Variants in ISL1 observed in about 807,000 individuals in gnomAD.
ISL1 encodes insulin gene enhancer protein ISL-1.
ISL1 carries 4 observed loss-of-function variants against 35.3 expected under a neutral mutation model. That is an observed-to-expected ratio of 0.11 (90% CI 0.06 to 0.26). The LOEUF (loss-of-function observed/expected upper bound fraction) is 0.26. Ranked by LOEUF, ISL1 falls within the 10% of genes least tolerant of loss-of-function variation. ISL1 has a pLI of 1.00. For missense variants in ISL1, 340 were observed against 472.8 expected, an observed-to-expected ratio of 0.72 and a Z score of 2.60; for synonymous variants, 186 against 172.3, an observed-to-expected ratio of 1.08 and a Z score of -0.62.
At chr5:51,390,636 C>CTTTTTTTTTTTTTTTTT (rs1216503548) in intron 4 of ISL1, among the ~76,000 whole-genome samples, 1 of 74,328 alleles carries the variant, frequency 1.3e-5, no homozygotes, top group Non-Finnish European at 2.8e-5. Flanking sequence ...TCTTTTCTTT[C>CTTTTTTTTTTTTTTTTT]TTTTTCTTTT....
At position 51,383,651 on chromosome 5, in the gene ISL1, A is replaced by C. The variant is rs372022305; in HGVS notation, c.-21A>C. 8 of 1,599,920 alleles carry C rather than the reference A, an allele frequency of 5.0e-6. No homozygotes were observed. Among genetic ancestry groups the C allele is most frequent in the Non-Finnish European group, 6.9e-6 (8 of 1,166,950 alleles). On this transcript the variant is annotated 5_prime_UTR_variant, in exon 1 of 6. Transcript: ENST00000230658. ...CTGTACAACCACCATTTCACTGTGG[A>C]CATTACTCCCTCTTACAGATATGGG... is the stretch of plus-strand genomic sequence containing the variant.
At chr5:51,386,749 G>A (rs1229971603) in intron 2 of ISL1, 2 of 393,818 alleles carry the variant, frequency 5.1e-6, no homozygotes, top group Non-Finnish European at 5.0e-6. Flanking sequence ...AAAAGATTGA[G>A]GGAACAGACG....
intron 5 of ISL1, 72 bp downstream of exon 5, chr5:51,391,513 A>G (rs751723505): frequency 1.3e-6 from 2 of 1,564,808 alleles, no homozygotes; most frequent in South Asian, 2.2e-5. Flanking sequence ...TCACACATTG[A>G]AAGATTCAGT....
rs57707586 is a variant in ISL1 at position 51,390,642 on chromosome 5, CTTT to C, written c.766-596_766-594del. 2.7e-3 allele frequency among the ~76,000 whole-genome samples: 107 copies of C among 40,180 alleles called. 2 individuals carry two copies. Among genetic ancestry groups the C allele is most frequent in the African/African-American group, 6.6e-3 (66 of 9,988 alleles). 26.4% of individuals were successfully genotyped at this position (40,180 alleles called of 152,430 possible). A position where few individuals can be genotyped will look rare whatever the true frequency, so the allele number is the denominator to read the frequency against. On this transcript the variant is annotated intron_variant, in intron 4 of 5. Transcript: ENST00000230658. ...TCCTTTTTTTCTTTTCTTTCTTTTTCTTTTTTTTTTTTTTTTTTTTTTTTTTTT... is the reference window on the plus strand; with the variant it reads ...TCCTTTTTTTCTTTTCTTTCTTTTTCTTTTTTTTTTTTTTTTTTTTTTTTT...
At chr5:51,392,870 G>T (rs377262383) in intron 5 of ISL1, among the ~76,000 whole-genome samples, 1 of 152,162 alleles carries the variant, frequency 6.6e-6, no homozygotes, top group Non-Finnish European at 1.5e-5. Flanking sequence ...AGATATTAGG[G>T]TTAAAAGAAG....
chr5:51,384,446 C>G lies in ISL1; in HGVS notation c.29-95C>G, dbSNP rs549180732. The stretch of plus-strand genomic sequence containing the variant: ...AAGAAAGAAAGAAAGAAAAAAACCT[C>G]CCAGAGTACGCCCTATAAGAGAACG... On this transcript the variant is annotated intron_variant, in intron 1 of 5. Transcript: ENST00000230658. The G allele has an allele frequency of 2.6e-4, 289 of 1,103,596 alleles. 4 individuals carry two copies. In the South Asian group the frequency reaches 3.3e-3, roughly 13 times the overall value. The allele number at this position is 1,103,596 out of a possible 1,614,324, so 68.4% of individuals were successfully genotyped here.
At chr5:51,392,094 A>T (rs773682925) in intron 5 of ISL1, among the ~76,000 whole-genome samples, 3 of 152,082 alleles carry the variant, frequency 2.0e-5, no homozygotes, top group Non-Finnish European at 4.4e-5. Flanking sequence ...TTCAAATGTC[A>T]TAGAGACACA....
chr5:51,391,151 G>C (rs1747503848), intron 4 of ISL1, 123 bp from the exon 5 acceptor site: 1 of 885,234 alleles, frequency 1.1e-6, no homozygotes, highest in South Asian at 1.7e-5. Context: ...GATTAACTGA[G>C]TCAATAAAGA....
In ISL1 at chr5:51,389,848, C is replaced by T. The variant is rs940972033; in HGVS notation, c.681C>T (p.Val227=). 1 of 1,614,096 alleles carries T rather than the reference C, an allele frequency of 6.2e-7. No individual in the cohort carries two copies. Among genetic ancestry groups the T allele is most frequent in the Non-Finnish European group, 8.5e-7 (1 of 1,180,044 alleles). ...GCCTCAGTCCCCGTGTGATCCGGGT[C>T]TGGTTTCAAAACAAGCGGTGCAAGG... The part of the protein sequence containing the change: ...MTGLSPRVIR[V]WFQNKRCKDK... The change falls in exon 4 of 6, where the codon GTC becomes GTT. Residue 227 remains valine (V), a synonymous_variant. Coordinates refer to ENST00000230658, the MANE Select transcript of ISL1 (RefSeq NM_002202.3). This position sits in a 1 kb window ranked among gnomAD's most constrained non-coding sequence, Gnocchi z 5.0.
rs368770808 is a variant in ISL1 at position 51,387,730 on chromosome 5, G to A, written c.459G>A (p.Ala153=). The change falls in exon 3 of 6, where the codon GCG becomes GCA. Residue 153 remains alanine (A), a synonymous_variant. Transcript: ENST00000230658. The surrounding 1 kb of genome is among the most constrained non-coding windows in gnomAD (Gnocchi z 4.3). ...AGDPLSPLHP[A]RPLQMAAEPI... is the part of the protein sequence containing the mutation. The stretch of plus-strand genomic sequence containing the variant: ...ACCCGCTCAGTCCCCTGCATCCAGC[G>A]CGGCCACTGCAAATGGCAGGTACTC... 1.2e-5 allele frequency: 19 copies of A among 1,614,068 alleles called. No individual in the cohort carries two copies. In the African/African-American group the frequency reaches 1.6e-4, roughly 14 times the overall value.
chr5:51,393,696 C>A lies in ISL1; in HGVS notation c.*86C>A. On this transcript the variant is annotated 3_prime_UTR_variant, in exon 6 of 6. Transcript: ENST00000230658. The stretch of plus-strand genomic sequence containing the variant: ...CTCTGAAACAAAAGTATTTAACGAC[C>A]CAGTCAATGAAAACTGAATCAAGAA... The A allele has an allele frequency of 1.2e-6, 1 of 864,824 alleles. No individual in the cohort carries two copies. The highest frequency in any genetic ancestry group is 2.0e-6 in the Non-Finnish European group (1 of 499,344). The allele number at this position is 864,824 out of a possible 1,614,324, so 53.6% of individuals were successfully genotyped here.
intron 2 of ISL1, among the ~76,000 whole-genome samples, chr5:51,385,833 G>T (rs1747330286): frequency 6.6e-6 from 1 of 152,114 alleles, no homozygotes; most frequent in South Asian, 2.1e-4. Flanking sequence ...TAGGCAAATG[G>T]TTTCTGGAGC....
chr5:51,384,940 G>A (rs1747307701), intron 2 of ISL1, among the ~76,000 whole-genome samples: 2 of 152,108 alleles, frequency 1.3e-5, no homozygotes, highest in South Asian at 4.1e-4. Flanking sequence ...CTTAACAGTG[G>A]TATTCATAAT....
chr5:51,387,889 G>A lies in ISL1; in HGVS notation c.478+140G>A. ...ATGAAGTGTTCTGTATGCAATTTGCGCTGTGCTCTGCTCCTTTGCAGCAAG... is the reference window on the plus strand; with the variant it reads ...ATGAAGTGTTCTGTATGCAATTTGCACTGTGCTCTGCTCCTTTGCAGCAAG... On this transcript the variant is annotated intron_variant, in intron 3 of 5. Coordinates refer to ENST00000230658, the MANE Select transcript of ISL1 (RefSeq NM_002202.3). This position sits in a 1 kb window ranked among gnomAD's most constrained non-coding sequence, Gnocchi z 4.3. 2.7e-6 allele frequency: 3 copies of A among 1,098,270 alleles called. No individual in the cohort carries two copies. Among genetic ancestry groups the A allele is most frequent in the Non-Finnish European group, 2.6e-6 (2 of 757,742 alleles). The allele number at this position is 1,098,270 out of a possible 1,614,324, so 68.0% of individuals were successfully genotyped here.
chr5:51,387,203 A>G lies in ISL1; in HGVS notation c.219-287A>G, dbSNP rs1747365019. Among the ~76,000 whole-genome samples the G allele has an allele frequency of 6.6e-6, 1 of 152,102 alleles. No individual in the cohort carries two copies. Among genetic ancestry groups the G allele is most frequent in the Non-Finnish European group, 1.5e-5 (1 of 68,028 alleles). ...TGGTACAAGCTAGGTGTTTTGAGCT[A>G]AGAGTTACCAACTAAGACAGAGGTT... On this transcript the variant is annotated intron_variant, in intron 2 of 5. Coordinates refer to ENST00000230658, the MANE Select transcript of ISL1 (RefSeq NM_002202.3). This position sits in a 1 kb window ranked among gnomAD's most constrained non-coding sequence, Gnocchi z 4.3.
chr5:51,393,160 A>G (rs1384727503), intron 5 of ISL1, among the ~76,000 whole-genome samples: 1 of 152,236 alleles, frequency 6.6e-6, no homozygotes, highest in Non-Finnish European at 1.5e-5. Flanking sequence ...TGTAGCCAGC[A>G]GGATAATTTT....
chr5:51,385,335 T>A (rs1387239294), intron 2 of ISL1, among the ~76,000 whole-genome samples: 2 of 152,246 alleles, frequency 1.3e-5, no homozygotes, highest in African/African-American at 2.4e-5. Context: ...TTAATCTTTT[T>A]AAATATTAAC....
chr5:51,383,777 C>A, intron 1 of ISL1, 78 bp downstream of exon 1: 1 of 1,264,346 alleles, frequency 7.9e-7, no homozygotes, highest in Non-Finnish European at 1.2e-6. Flanking sequence ...GGCTGAGGTG[C>A]CAAGGGCTCT....
rs532358238 is a variant in ISL1, at chr5:51,385,846, G to A, written c.218+1116G>A. On this transcript the variant is annotated intron_variant, in intron 2 of 5. Transcript: ENST00000230658. The stretch of plus-strand genomic sequence containing the variant: ...GTTAGGCAAATGGTTTCTGGAGCTT[G>A]AGAACTTTTATTAAAGTTTAGTTAA... Among the ~76,000 whole-genome samples the A allele has an allele frequency of 1.9e-4, 29 of 152,272 alleles. No homozygotes were observed. The South Asian group carries it at 5.0e-3, about 26-fold the overall frequency.
Sources: allele counts gnomAD v4.1 joint callset (sites outside exome capture counted in the v4.1 genomes callset), GRCh38; gene constraint gnomAD v4.1.1; non-coding constraint Gnocchi (gnomAD v3.1); transcripts MANE v1.5; gene names NCBI Gene and HGNC (gene_info 2026-07-23, HGNC 2026-07-21).